GRID2: variants seen among roughly 807,000 people sequenced by gnomAD.
GRID2 encodes the protein glutamate ionotropic receptor delta type subunit 2.
GRID2 carries 33 observed loss-of-function variants against 114.8 expected under a neutral mutation model. That is an observed-to-expected ratio of 0.29 (90% CI 0.22 to 0.38). The LOEUF is 0.38. Among genes scored for constraint, GRID2 ranks in the 10% least tolerant of loss-of-function variants. The pLI is 1.00. For missense variants in GRID2, 1,184 were observed against 1,257.7 expected, an observed-to-expected ratio of 0.94 and a Z score of 0.89; for synonymous variants, 505 against 449.9, an observed-to-expected ratio of 1.12 and a Z score of -1.55.
At chr4:93,098,011 T>C (rs1191977289) in intron 3 of GRID2, among the ~76,000 whole-genome samples, 1 of 151,936 alleles carries the variant, frequency 6.6e-6, no homozygotes, top group Non-Finnish European at 1.5e-5. Flanking sequence ...ATCTCACCTT[T>C]CTAAGTGGCT....
intron 2 of GRID2, among the ~76,000 whole-genome samples, chr4:92,901,437 G>A (rs1221814999): frequency 1.3e-5 from 2 of 152,058 alleles, no homozygotes; most frequent in East Asian, 3.9e-4. Context: ...CAATCTGTAG[G>A]TTGTCTATTT....
At chr4:93,289,740 T>A (rs969178441) in intron 8 of GRID2, among the ~76,000 whole-genome samples, 1 of 152,186 alleles carries the variant, frequency 6.6e-6, no homozygotes, top group East Asian at 1.9e-4. Context: ...TATTTTCTTC[T>A]GTGTGCCCCA....
intron 1 of GRID2, among the ~76,000 whole-genome samples, chr4:92,507,454 G>A (rs1024087970): frequency 2.0e-5 from 3 of 149,354 alleles, no homozygotes; most frequent in Non-Finnish European, 4.4e-5. Context: ...TGTGTATGAA[G>A]GGCATCACTG....
At chr4:92,600,040 GTGTGTATATATATATATATATA>G (rs1376430595) in intron 2 of GRID2, among the ~76,000 whole-genome samples, 47 of 70,724 alleles carry the variant, frequency 6.6e-4, no homozygotes, top group African/African-American at 2.5e-3. Flanking sequence ...GTGTGTGTGT[GTGTGTATATATATATATATATA>G]TATATATATA....
chr4:92,767,595 A>G (rs191502336), intron 2 of GRID2, among the ~76,000 whole-genome samples: 31 of 152,254 alleles, frequency 2.0e-4, no homozygotes, highest in African/African-American at 5.5e-4. Flanking sequence ...AACTAAAAAT[A>G]CAAAAACTAG....
intron 2 of GRID2, among the ~76,000 whole-genome samples, chr4:92,713,476 C>CATATACATATATATAT (rs1553919724): frequency 3.7e-5 from 2 of 54,040 alleles, no homozygotes; most frequent in African/African-American, 7.1e-5. Flanking sequence ...TATACATATA[C>CATATACATATATATAT]ATATATATAT....
intron 2 of GRID2, among the ~76,000 whole-genome samples, chr4:93,061,380 T>C (rs1436262227): frequency 1.3e-5 from 2 of 151,914 alleles, no homozygotes; most frequent in African/African-American, 4.8e-5. Context: ...GCTTTTCTGA[T>C]AGATAGTAGA....
At chr4:92,973,475 A>ATTCAGT (rs953571467) in intron 2 of GRID2, among the ~76,000 whole-genome samples, 4 of 152,176 alleles carry the variant, frequency 2.6e-5, no homozygotes, top group African/African-American at 9.7e-5. Flanking sequence ...GCTAAAGAGA[A>ATTCAGT]TTCAGTTTCA....
chr4:93,010,425 G>A (rs1722013692), intron 2 of GRID2, among the ~76,000 whole-genome samples: 1 of 151,842 alleles, frequency 6.6e-6, no homozygotes. Context: ...TATTGCAAAA[G>A]GATACAACTC....
At chr4:92,448,131 TTATGTATG>T (rs10551052) in intron 1 of GRID2, among the ~76,000 whole-genome samples, 2,270 of 145,442 alleles carry the variant, frequency 0.016, 26 homozygotes, top group South Asian at 0.04. Flanking sequence ...GATTTTTATT[TTATGTATG>T]TATGTATGTA....
chr4:92,785,074 T>C (rs1285701887), intron 2 of GRID2, among the ~76,000 whole-genome samples: 1 of 130,898 alleles, frequency 7.6e-6, no homozygotes. Flanking sequence ...TTGTGTTCCT[T>C]TTTTTTTTTT....
At chr4:92,659,503 G>A (rs563790454) in intron 2 of GRID2, among the ~76,000 whole-genome samples, 1 of 151,528 alleles carries the variant, frequency 6.6e-6, no homozygotes, top group East Asian at 1.9e-4. Flanking sequence ...TTTTATTTAA[G>A]TGCACTCACT....
intron 4 of GRID2, among the ~76,000 whole-genome samples, chr4:93,179,313 A>G (rs565859545): frequency 1.3e-5 from 2 of 152,290 alleles, no homozygotes; most frequent in Admixed American, 6.5e-5. Flanking sequence ...TAGTAACTGT[A>G]TCTTTTCTAC....
intron 1 of GRID2, among the ~76,000 whole-genome samples, chr4:92,346,728 T>C (rs1727783367): frequency 1.3e-5 from 2 of 152,200 alleles, no homozygotes; most frequent in South Asian, 4.1e-4. Flanking sequence ...CGAATATTCA[T>C]GTAAACATTT....
chr4:93,569,540 C>T (rs778283379), intron 13 of GRID2, among the ~76,000 whole-genome samples: 5 of 152,224 alleles, frequency 3.3e-5, no homozygotes, highest in Admixed American at 1.3e-4. Context: ...CCTGAGGGAT[C>T]GTTTGAAAAG....
At chr4:93,005,557 T>G (rs1721428046) in intron 2 of GRID2, among the ~76,000 whole-genome samples, 1 of 152,018 alleles carries the variant, frequency 6.6e-6, no homozygotes, top group Non-Finnish European at 1.5e-5. Context: ...AAACTTATAC[T>G]CAAAATAATT....
chr4:93,527,505 C>G (rs896686023), intron 13 of GRID2, among the ~76,000 whole-genome samples: 6 of 151,968 alleles, frequency 3.9e-5, no homozygotes, highest in Admixed American at 3.9e-4. Flanking sequence ...TTATACCTAA[C>G]ATTAAATACT....
In GRID2 at chr4:92,626,290, A is replaced by G. The variant is rs1730518194; in HGVS notation, c.244+36004A>G. 2.6e-5 allele frequency among the ~76,000 whole-genome samples: 4 copies of G among 151,988 alleles called. No individual in the cohort carries two copies. The South Asian group carries it at 8.3e-4, about 31-fold the overall frequency. On this transcript the variant is annotated intron_variant, in intron 2 of 15. Coordinates refer to ENST00000282020, the MANE Select transcript of GRID2 (RefSeq NM_001510.4). ...TGTAACCTTTAACAAGGTTTTAATCATTAAGTATAATATTGTTAATGTAAA... is the reference window on the plus strand; with the variant it reads ...TGTAACCTTTAACAAGGTTTTAATCGTTAAGTATAATATTGTTAATGTAAA...
intron 8 of GRID2, among the ~76,000 whole-genome samples, chr4:93,370,235 C>T (rs1167580071): frequency 6.6e-6 from 1 of 152,070 alleles, no homozygotes; most frequent in East Asian, 1.9e-4. Context: ...AAAAATCTGT[C>T]TAGCTTTCAG....
Sources: gnomAD v4.1 joint callset for allele counts (sites outside exome capture counted in the v4.1 genomes callset) on GRCh38, gnomAD v4.1.1 for gene constraint, MANE v1.5 for transcripts, NCBI Gene and HGNC (gene_info 2026-07-23, HGNC 2026-07-21) for gene names.